Variants in ADPGK observed in about 807,000 individuals in gnomAD.
ADPGK encodes ADP-dependent glucokinase.
Under a neutral mutation model 42.4 loss-of-function variants are expected in ADPGK, and 26 were observed. The ratio of observed to expected loss-of-function variants is 0.61; its 90% CI spans 0.45 to 0.85. ADPGK has a LOEUF of 0.85. ADPGK is among the 40% of genes least tolerant of loss of function. The pLI is 0.00. For missense variants in ADPGK, 571 were observed against 627.0 expected (o/e 0.91, Z 0.95); for synonymous variants, 267 against 252.6 (o/e 1.06, Z -0.54).
chr15:72,768,599 C>T (rs184318503), intron 3 of ADPGK, among the ~76,000 whole-genome samples: 49 of 151,904 alleles, frequency 3.2e-4, no homozygotes, highest in Non-Finnish European at 1.5e-4. Flanking sequence ...ACCTGAGAGA[C>T]GGACATTGCA....
intron 4 of ADPGK, chr15:72,758,064 C>T: frequency 3.1e-6 from 5 of 1,610,072 alleles, no homozygotes; most frequent in Admixed American, 1.7e-5. Flanking sequence ...AGTGCCATTA[C>T]CTCCAAGAGT....
Position 72,782,135 on chromosome 15 carries a change from G to A in ADPGK, c.233+1324C>T, listed in dbSNP as rs562685914. On this transcript the variant is annotated intron_variant, in intron 1 of 6. Transcript: ENST00000456471. ...TGATACAATAATATGTTTCCAACAA[G>A]TGAGACAGGGGCCTTGCTTCACCCA... 7.9e-5 allele frequency among the ~76,000 whole-genome samples: 12 copies of A among 152,312 alleles called. No individual in the cohort carries two copies. In the East Asian group the frequency reaches 2.3e-3, roughly 29 times the overall value.
intron 3 of ADPGK, among the ~76,000 whole-genome samples, chr15:72,766,941 T>C (rs1425031138): frequency 2.0e-5 from 3 of 152,162 alleles, no homozygotes; most frequent in Non-Finnish European, 4.4e-5. Flanking sequence ...ACCTGATATA[T>C]CAATAATCAC....
At chr15:72,768,019 A>G (rs944744001) in intron 3 of ADPGK, among the ~76,000 whole-genome samples, 2 of 152,132 alleles carry the variant, frequency 1.3e-5, no homozygotes, top group Non-Finnish European at 2.9e-5. Flanking sequence ...AAATTTATAA[A>G]CCTCTAGCCA....
intron 3 of ADPGK, among the ~76,000 whole-genome samples, chr15:72,761,166 G>C (rs547519719): frequency 6.6e-6 from 1 of 152,158 alleles, no homozygotes; most frequent in African/African-American, 2.4e-5. Context: ...TCTGTTGCTT[G>C]AGCCCCCAAG....
chr15:72,780,099 T>C (rs570942927), intron 1 of ADPGK, among the ~76,000 whole-genome samples: 6 of 151,892 alleles, frequency 4.0e-5, no homozygotes, highest in Admixed American at 3.9e-4. Context: ...GTTATCTGCC[T>C]CCCTCATAAA....
chr15:72,752,961 A>G, intron 6 of ADPGK, 66 bp from the exon 7 acceptor site: 1 of 1,449,290 alleles, frequency 6.9e-7, no homozygotes, highest in Non-Finnish European at 9.3e-7. Flanking sequence ...GTCTTATGAC[A>G]CAGCCAGTGA....
intron 3 of ADPGK, among the ~76,000 whole-genome samples, chr15:72,769,166 C>T (rs2066297904): frequency 6.6e-6 from 1 of 152,082 alleles, no homozygotes; most frequent in Non-Finnish European, 1.5e-5. Context: ...ATAATGAATA[C>T]ATCAGAACAA....
At chr15:72,762,125 C>T (rs1279123075) in intron 3 of ADPGK, among the ~76,000 whole-genome samples, 1 of 152,154 alleles carries the variant, frequency 6.6e-6, no homozygotes, top group African/African-American at 2.4e-5. Context: ...CCGCCTTGGC[C>T]TCCCAAAGTG....
At position 72,755,586 on chromosome 15, in the gene ADPGK, G is replaced by C; in HGVS notation, c.909C>G (p.Asn303Lys). The change falls in exon 6 of 7, where the codon AAC (asparagine) becomes AAG (lysine). Residue 303 changes from asparagine to lysine, a missense_variant. Physicochemically the swap from Asn to Lys is moderately conservative, Grantham distance 94. Around this residue, in one of 2 missense-constraint regions of ADPGK, gnomAD observed 434 missense variants for 522.7 expected, o/e 0.83. Transcript: ENST00000456471. The stretch of plus-strand genomic sequence containing the variant: ...GGACAATGCTGCTCATGAGCTCCCT[G>C]TTAGTCATACTGGCCAGCTCTAGGT... The part of the protein sequence containing the change: ...PVHLELASMT[N>K]RELMSSIVHQ... 1 of 1,614,054 alleles carries C rather than the reference G, an allele frequency of 6.2e-7. No individual in the cohort carries two copies. The highest frequency in any genetic ancestry group is 1.7e-5 in the Admixed American group (1 of 60,014).
Position 72,774,922 on chromosome 15 carries a change from CCTT to C in ADPGK, c.406_408del (p.Lys136del), listed in dbSNP as rs1177821909. 3.7e-6 allele frequency: 6 copies of C among 1,614,070 alleles called. No homozygotes were observed. Among genetic ancestry groups the C allele is most frequent in the Non-Finnish European group, 5.1e-6 (6 of 1,180,038 alleles). On this transcript the variant is annotated inframe_deletion, in exon 2 of 7. Transcript: ENST00000456471. The stretch of plus-strand genomic sequence containing the variant: ...ACCTGGGCAATGTCGTGAAAAGTTT[CCTT>C]ATCACTGAAGAAGCGCTCAGCAGCT...
intron 1 of ADPGK, among the ~76,000 whole-genome samples, chr15:72,782,481 C>T (rs2066472324): frequency 7.1e-6 from 1 of 140,536 alleles, no homozygotes; most frequent in Non-Finnish European, 1.5e-5. Context: ...GCAGTGATTG[C>T]ACCACTGCAC....
intron 3 of ADPGK, among the ~76,000 whole-genome samples, chr15:72,762,063 G>C (rs984888208): frequency 6.6e-6 from 1 of 152,066 alleles, no homozygotes; most frequent in Non-Finnish European, 1.5e-5. Flanking sequence ...GTAGAGACGG[G>C]GTTTCACCAT....
intron 1 of ADPGK, among the ~76,000 whole-genome samples, chr15:72,779,865 G>A (rs1353984818): frequency 6.6e-6 from 1 of 152,186 alleles, no homozygotes; most frequent in East Asian, 1.9e-4. Context: ...TGACAGAGAA[G>A]CTTCATCTGA....
intron 1 of ADPGK, chr15:72,783,042 T>C: frequency 4.4e-6 from 1 of 224,956 alleles, no homozygotes; most frequent in Non-Finnish European, 7.5e-6. Context: ...GTTTCGAAAG[T>C]GGGTAAAGGC....
intron 1 of ADPGK, 154 bp downstream of exon 1, chr15:72,783,305 G>T: frequency 7.9e-7 from 1 of 1,268,116 alleles, no homozygotes; most frequent in Non-Finnish European, 9.9e-7. Context: ...GACGAACCGG[G>T]TTCCACTCAG....
intron 3 of ADPGK, among the ~76,000 whole-genome samples, chr15:72,763,339 T>TTTTC (rs1491481162): frequency 2.2e-5 from 3 of 133,532 alleles, no homozygotes; most frequent in African/African-American, 8.8e-5. Flanking sequence ...TTTTTTTTTT[T>TTTTC]GTATTTTTAG....
chr15:72,766,968 C>T (rs769704141), intron 3 of ADPGK, among the ~76,000 whole-genome samples: 1 of 152,230 alleles, frequency 6.6e-6, no homozygotes, highest in African/African-American at 2.4e-5. Context: ...TGTAAATGGT[C>T]TAAACACTCC....
chr15:72,752,972 C>T, intron 6 of ADPGK, 77 bp from the exon 7 acceptor site: 4 of 1,414,076 alleles, frequency 2.8e-6, no homozygotes, highest in Non-Finnish European at 3.8e-6. Context: ...CAGCCAGTGA[C>T]TAAATGACAG....
Sources: allele counts gnomAD v4.1 joint callset (sites outside exome capture counted in the v4.1 genomes callset), GRCh38; gene constraint gnomAD v4.1.1; regional missense constraint gnomAD v4.1.1; transcripts MANE v1.5; gene names NCBI Gene and HGNC (gene_info 2026-07-23, HGNC 2026-07-21).